The following ELMOD2 variants were observed in gnomAD, a reference collection of about 807,000 sequenced individuals.
ELMOD2 encodes the protein ELMO domain-containing protein 2.
ELMOD2 carries 28 observed loss-of-function variants against 41.0 expected under a neutral mutation model. The ratio of observed to expected loss-of-function variants is 0.68; its 90% confidence interval spans 0.51 to 0.94. ELMOD2 has a LOEUF of 0.94. Among genes scored for constraint, ELMOD2 ranks in the 40% least tolerant of loss-of-function variants. ELMOD2 has a pLI of 0.00. For missense variants in ELMOD2, 333 were observed against 343.1 expected (o/e 0.97, Z 0.23); for synonymous variants, 106 against 107.2 (o/e 0.99, Z 0.07).
chr4:140,532,019 C>G (rs1310076162), intron 3 of ELMOD2, among the ~76,000 whole-genome samples: 2 of 152,120 alleles, frequency 1.3e-5, no homozygotes, highest in African/African-American at 4.8e-5. Context: ...CCAGTATCAT[C>G]TTGATACTAA....
intron 3 of ELMOD2, among the ~76,000 whole-genome samples, chr4:140,531,893 C>A (rs1300908421): frequency 6.6e-6 from 1 of 152,126 alleles, no homozygotes; most frequent in Non-Finnish European, 1.5e-5. Flanking sequence ...AATTTTTTCA[C>A]AAATCTCTAA....
chr4:140,551,271 A>G lies in ELMOD2; in HGVS notation c.*896A>G, dbSNP rs966746789. 1.3e-5 allele frequency: 2 copies of G among 152,100 alleles called. No homozygotes were observed. The highest frequency in any genetic ancestry group is 4.8e-5 in the African/African-American group (2 of 41,442). 9.4% of individuals were successfully genotyped at this position (152,100 alleles called of 1,614,324 possible). On this transcript the variant is annotated 3_prime_UTR_variant, in exon 9 of 9. Transcript: ENST00000323570. ...ATAAAAGACAGTTTCTGTTTAAGTA[A>G]AACTGTCTTTGAAACTTAAGAAAGC...
chr4:140,526,292 A>G (rs113937717), intron 2 of ELMOD2, among the ~76,000 whole-genome samples: 213 of 152,288 alleles, frequency 1.4e-3, no homozygotes, highest in Non-Finnish European at 2.5e-3. Flanking sequence ...AAAGTACACA[A>G]ATGGGTCACA....
At chr4:140,536,820 TAA>T (rs1734944117) in intron 4 of ELMOD2, among the ~76,000 whole-genome samples, 1 of 152,130 alleles carries the variant, frequency 6.6e-6, no homozygotes, top group Non-Finnish European at 1.5e-5. Context: ...GACAAAGGCA[TAA>T]ATACAGTAGG....
At chr4:140,532,319 A>G (rs1734778050) in intron 3 of ELMOD2, among the ~76,000 whole-genome samples, 1 of 151,984 alleles carries the variant, frequency 6.6e-6, no homozygotes, top group Non-Finnish European at 1.5e-5. Flanking sequence ...GGTGCACACC[A>G]CCATGCCTGG....
rs1448192045 is a variant in ELMOD2, at chr4:140,553,116, A to T, written c.*2741A>T. ...CTCTTCACTTTTGTTCCAGTACTAT[A>T]ATTGCTCATGCACTCTTTCTCCCCT... On this transcript the variant is annotated 3_prime_UTR_variant, in exon 9 of 9. Coordinates refer to ENST00000323570, the MANE Select transcript of ELMOD2 (RefSeq NM_153702.4). 2.0e-5 allele frequency: 3 copies of T among 152,146 alleles called. No homozygotes were observed. Among genetic ancestry groups the T allele is most frequent in the Non-Finnish European group, 2.9e-5 (2 of 67,994 alleles). The allele number at this position is 152,146 out of a possible 1,614,324, so 9.4% of individuals were successfully genotyped here.
At chr4:140,542,667 CG>C in intron 7 of ELMOD2, 25 bp downstream of exon 7, 1 of 1,523,986 alleles carries the variant, frequency 6.6e-7, no homozygotes, top group Non-Finnish European at 9.0e-7. Flanking sequence ...TTAAAGAAGC[CG>C]TAATCTCTTG....
intron 3 of ELMOD2, among the ~76,000 whole-genome samples, chr4:140,534,354 ATGG>A (rs1182460179): frequency 2.6e-5 from 4 of 152,188 alleles, no homozygotes; most frequent in African/African-American, 9.6e-5. Context: ...CAGCTAAGCT[ATGG>A]TGGTAGAAAT....
intron 6 of ELMOD2, 71 bp downstream of exon 6, chr4:140,540,372 A>T: frequency 6.4e-7 from 1 of 1,559,700 alleles, no homozygotes; most frequent in East Asian, 2.2e-5. Flanking sequence ...GTTACTTCTA[A>T]TAAGAAGTGA....
intron 3 of ELMOD2, among the ~76,000 whole-genome samples, chr4:140,532,258 G>A (rs1485507422): frequency 1.3e-5 from 2 of 148,368 alleles, no homozygotes; most frequent in Non-Finnish European, 3.0e-5. Context: ...TCCACCTCCC[G>A]GGTTCAAGCA....
chr4:140,530,011 ATATT>A (rs1335553305), intron 3 of ELMOD2, among the ~76,000 whole-genome samples: 1 of 152,204 alleles, frequency 6.6e-6, no homozygotes. Flanking sequence ...AAGGCTCTGA[ATATT>A]TATTGAGTGA....
chr4:140,550,299 T>C lies in ELMOD2; in HGVS notation c.806T>C (p.Leu269Ser). 1 of 1,611,766 alleles carries C rather than the reference T, an allele frequency of 6.2e-7. No homozygotes were observed. The change falls in exon 9 of 9, where the codon TTG becomes TCG. Residue 269 changes from leucine to serine, a missense_variant. Coordinates refer to ENST00000323570, the MANE Select transcript of ELMOD2 (RefSeq NM_153702.4). ...CCAGAAAGCATTATGTATTTCAATTTGTATAGAGAGAAGTTTCATGAAAAG... is the reference window on the plus strand; with the variant it reads ...CCAGAAAGCATTATGTATTTCAATTCGTATAGAGAGAAGTTTCATGAAAAG... ...EEPESIMYFNLYREKFHEKIK... is the reference protein window; with the variant it reads ...EEPESIMYFNSYREKFHEKIK...
intron 1 of ELMOD2, 75 bp from the exon 2 acceptor site, chr4:140,525,343 TCA>T: frequency 7.3e-7 from 1 of 1,372,908 alleles, no homozygotes; most frequent in South Asian, 1.4e-5. Context: ...TGAGATTTGA[TCA>T]GTTGTATAAA....
chr4:140,549,377 G>A (rs1385780404), intron 8 of ELMOD2, among the ~76,000 whole-genome samples: 1 of 151,932 alleles, frequency 6.6e-6, no homozygotes, highest in African/African-American at 2.4e-5. Context: ...GTGTGTGTGT[G>A]TATAAACAAG....
intron 3 of ELMOD2, among the ~76,000 whole-genome samples, chr4:140,530,237 T>C (rs1050935686): frequency 2.0e-5 from 3 of 152,182 alleles, no homozygotes; most frequent in Non-Finnish European, 4.4e-5. Context: ...TGGGATTGTA[T>C]GTGTGGTAAA....
chr4:140,530,663 A>T (rs1578757959), intron 3 of ELMOD2, among the ~76,000 whole-genome samples: 1 of 152,160 alleles, frequency 6.6e-6, no homozygotes, highest in South Asian at 2.1e-4. Context: ...ACAAATGGGT[A>T]AATACTGAAA....
chr4:140,553,006 C>A lies in ELMOD2; in HGVS notation c.*2631C>A, dbSNP rs2110895030. On this transcript the variant is annotated 3_prime_UTR_variant, in exon 9 of 9. Transcript: ENST00000323570. Reference sequence around the variant, plus strand: ...CACCATTTACAGTTTAGAAAACAATCTTTTTCTTAAAAATGCCCATCTGAT... The same window carrying A: ...CACCATTTACAGTTTAGAAAACAATATTTTTCTTAAAAATGCCCATCTGAT... 6.6e-6 allele frequency: 1 copy of A among 152,118 alleles called. No individual in the cohort carries two copies. Among genetic ancestry groups the A allele is most frequent in the East Asian group, 1.9e-4 (1 of 5,176 alleles). 9.4% of individuals were successfully genotyped at this position (152,118 alleles called of 1,614,324 possible).
intron 5 of ELMOD2, 145 bp from the exon 6 acceptor site, chr4:140,540,023 C>A: frequency 1.2e-6 from 1 of 850,554 alleles, no homozygotes; most frequent in Non-Finnish European, 1.8e-6. Flanking sequence ...AATAAATGTG[C>A]TGCGTGTTTT....
At chr4:140,532,181 T>C (rs1051945229) in intron 3 of ELMOD2, among the ~76,000 whole-genome samples, 1 of 151,756 alleles carries the variant, frequency 6.6e-6, no homozygotes, top group African/African-American at 2.4e-5. Flanking sequence ...TTTTTTTTTT[T>C]TGATACAGAG....
Sources: gnomAD v4.1 joint callset for allele counts (sites outside exome capture counted in the v4.1 genomes callset) on GRCh38, gnomAD v4.1.1 for gene constraint, MANE v1.5 for transcripts, NCBI Gene and HGNC (gene_info 2026-07-23, HGNC 2026-07-21) for gene names.